Variants in PARVB observed in about 807,000 individuals in gnomAD.
The protein encoded by PARVB is parvin beta, also known as beta-parvin.
In PARVB, 46 loss-of-function variants were observed where a neutral mutation model predicts 47.0. That is an observed-to-expected ratio of 0.98 (90% confidence interval 0.77 to 1.25). The LOEUF is 1.25. Among genes scored for constraint, PARVB ranks in the 50% most tolerant of loss-of-function variants. The probability of loss-of-function intolerance (pLI) is 0.00; values close to 1 mark genes in which losing one functional copy is unlikely to be tolerated. For synonymous variants in PARVB, 196 were observed against 196.3 expected (o/e 1.00, Z 0.01); for missense variants, 473 against 471.6 (o/e 1.00, Z -0.03).
intron 2 of PARVB, among the ~76,000 whole-genome samples, chr22:44,005,537 G>A (rs1027629020): frequency 1.3e-5 from 2 of 151,974 alleles, no homozygotes; most frequent in African/African-American, 4.8e-5. Context: ...CTGGAGTGCA[G>A]TGGTGCTGAG....
At chr22:44,134,285 G>A (rs1438902093) in intron 6 of PARVB, among the ~76,000 whole-genome samples, 1 of 152,122 alleles carries the variant, frequency 6.6e-6, no homozygotes, top group East Asian at 1.9e-4. Context: ...GGCTGGTGGT[G>A]GTGACTCGGG....
chr22:44,019,164 G>T (rs888751225), intron 2 of PARVB, among the ~76,000 whole-genome samples: 3 of 152,008 alleles, frequency 2.0e-5, no homozygotes, highest in Non-Finnish European at 2.9e-5. Context: ...TGATCTGCCC[G>T]CCTCGGCCTC....
At chr22:44,019,282 T>C (rs1226260854) in intron 2 of PARVB, among the ~76,000 whole-genome samples, 1 of 151,622 alleles carries the variant, frequency 6.6e-6, no homozygotes, top group East Asian at 1.9e-4. Context: ...TGCAATGGCA[T>C]GATCTTGGCT....
chr22:44,147,747 G>A, intron 8 of PARVB, 114 bp from the exon 9 acceptor site: 1 of 829,480 alleles, frequency 1.2e-6, no homozygotes, highest in Non-Finnish European at 2.1e-6. Context: ...CTAGGCAGGT[G>A]TGGGAGTTGA....
At chr22:44,081,585 C>T (rs1450265222) in intron 1 of PARVB, 4 of 985,236 alleles carry the variant, frequency 4.1e-6, no homozygotes, top group Non-Finnish European at 4.8e-6. Context: ...CTTCTCCAGA[C>T]TTAGCTTCTG....
intron 1 of PARVB, among the ~76,000 whole-genome samples, chr22:44,093,177 CTG>C (rs1287474205): frequency 1.3e-5 from 2 of 152,208 alleles, no homozygotes; most frequent in Non-Finnish European, 2.9e-5. Context: ...CACCTGGTGT[CTG>C]TGTGGGTGGG....
chr22:44,116,775 G>T (rs1028172091), intron 3 of PARVB, among the ~76,000 whole-genome samples: 1 of 152,190 alleles, frequency 6.6e-6, no homozygotes, highest in Non-Finnish European at 1.5e-5. Context: ...GGGGTGGTCT[G>T]AGCTCTGGAG....
rs1453088929 is a variant in PARVB at position 44,170,082 on chromosome 22, C to A, written c.*1404C>A. On this transcript the variant is annotated 3_prime_UTR_variant, in exon 13 of 13. Transcript: ENST00000338758. Reference sequence around the variant, plus strand: ...GTGGTGCCATCTCAGCTCACTGCAGCCTTGATCTCCCAGGCTCAATTGATC... The same window carrying A: ...GTGGTGCCATCTCAGCTCACTGCAGACTTGATCTCCCAGGCTCAATTGATC... 1 of 140,228 alleles carries A rather than the reference C, an allele frequency of 7.1e-6. No individual in the cohort carries two copies. The highest frequency in any genetic ancestry group is 1.5e-5 in the Non-Finnish European group (1 of 67,936). The allele number at this position is 140,228 out of a possible 1,614,324, so 8.7% of individuals were successfully genotyped here. A position where few individuals can be genotyped will look rare whatever the true frequency, so the allele number is the denominator to read the frequency against.
At chr22:44,064,336 C>G (rs943734441) in intron 1 of PARVB, among the ~76,000 whole-genome samples, 2 of 152,300 alleles carry the variant, frequency 1.3e-5, no homozygotes, top group East Asian at 3.9e-4. Flanking sequence ...TGCGCCGTGC[C>G]CAGGTGGAGG....
intron 6 of PARVB, among the ~76,000 whole-genome samples, chr22:44,135,322 A>G (rs1001653929): frequency 5.6e-4 from 85 of 151,926 alleles, no homozygotes; most frequent in African/African-American, 1.9e-3. Context: ...GCAGTGGCAC[A>G]ATCTCAGCTC....
intron 1 of PARVB, among the ~76,000 whole-genome samples, chr22:44,059,287 C>A (rs1361840722): frequency 6.6e-6 from 1 of 152,042 alleles, no homozygotes; most frequent in African/African-American, 2.4e-5. Flanking sequence ...ATCAAGTGAT[C>A]CACCCACCTC....
chr22:44,110,300 G>GTGGCC (rs2147095325), intron 3 of PARVB: 1 of 152,210 alleles, frequency 6.6e-6, no homozygotes, highest in Non-Finnish European at 1.5e-5. Flanking sequence ...ATGAGATCGC[G>GTGGCC]TGGCCTGCAT....
intron 2 of PARVB, among the ~76,000 whole-genome samples, chr22:44,005,519 C>T (rs899359559): frequency 2.0e-5 from 3 of 151,556 alleles, no homozygotes; most frequent in Non-Finnish European, 4.4e-5. Context: ...CTTGCTCTGT[C>T]ACCTAGGCTG....
chr22:44,084,525 T>A (rs1465216613), intron 1 of PARVB, among the ~76,000 whole-genome samples: 1 of 152,206 alleles, frequency 6.6e-6, no homozygotes, highest in Admixed American at 6.5e-5. Context: ...AATCCAAGAA[T>A]AGGGCACGAG....
rs376361127 is a variant in PARVB at position 44,090,392 on chromosome 22, C to T, written c.113-3536C>T. ...AATGCGCTGCTGAGCAGTCCCTGGG[C>T]GGTGTTCGTGAGCACGTTTCTCATT... On this transcript the variant is annotated intron_variant, in intron 1 of 12. Coordinates refer to ENST00000338758, the MANE Select transcript of PARVB (RefSeq NM_013327.5). Among the ~76,000 whole-genome samples the T allele has an allele frequency of 5.3e-5, 8 of 152,334 alleles. 1 individual carries two copies. The highest frequency in any genetic ancestry group is 1.7e-4 in the African/African-American group (7 of 41,576).
rs137958680 is a variant in PARVB, at chr22:44,069,158, C to T, written c.113-24770C>T. 8.1e-6 allele frequency: 13 copies of T among 1,612,124 alleles called. No homozygotes were observed. The Middle Eastern group carries it at 5.0e-4, about 62-fold the overall frequency. ...GAGCTGCCGCCAGCTGCACCCTCCT[C>T]GCCAGTGAGTTCTGTTGCTTTCGTA... On this transcript the variant is annotated intron_variant, in intron 1 of 12. Coordinates refer to ENST00000338758, the MANE Select transcript of PARVB (RefSeq NM_013327.5).
chr22:44,087,519 G>C (rs939365880), intron 1 of PARVB, among the ~76,000 whole-genome samples: 18 of 152,256 alleles, frequency 1.2e-4, no homozygotes, highest in Admixed American at 2.6e-4. Flanking sequence ...AGTGGAGCAA[G>C]AAGCTGATCA....
intron 7 of PARVB, among the ~76,000 whole-genome samples, chr22:44,138,526 C>T (rs2053487785): frequency 6.6e-6 from 1 of 152,162 alleles, no homozygotes; most frequent in African/African-American, 2.4e-5. Context: ...CTGTTCCTTC[C>T]CCTCCCCGTG....
At chr22:44,074,054 C>T (rs6006484) in intron 1 of PARVB, among the ~76,000 whole-genome samples, 5,816 of 152,236 alleles carry the variant, frequency 0.038, 365 homozygotes, top group African/African-American at 0.13. Flanking sequence ...ATCCTCTGTT[C>T]GGGTTGAAGA....
Sources: gnomAD v4.1 joint callset for allele counts (sites outside exome capture counted in the v4.1 genomes callset) on GRCh38, gnomAD v4.1.1 for gene constraint, MANE v1.5 for transcripts, NCBI Gene and HGNC (gene_info 2026-07-23, HGNC 2026-07-21) for gene names.